SLC9A9: variants seen among roughly 807,000 people sequenced by gnomAD.
SLC9A9 encodes the protein sodium/hydrogen exchanger 9.
A neutral mutation model predicts 77.8 loss-of-function variants in SLC9A9; 62 were observed. That is an observed-to-expected ratio of 0.80 (90% CI 0.65 to 0.98). The LOEUF (loss-of-function observed/expected upper bound fraction) is 0.98. SLC9A9 is among the 50% of genes least tolerant of loss of function. The pLI, the probability that SLC9A9 is intolerant of heterozygous loss-of-function variation, is 0.00. For synonymous variants in SLC9A9, 320 were observed against 283.5 expected, an observed-to-expected ratio of 1.13 and a Z score of -1.29; for missense variants, 775 against 774.9, an observed-to-expected ratio of 1.00 and a Z score of 0.00.
chr3:143,847,489 A>T (rs141017456), intron 1 of SLC9A9: 1 of 152,414 alleles, frequency 6.6e-6, no homozygotes, highest in East Asian at 1.9e-4. Flanking sequence ...GGCCTCCAAT[A>T]CATAAATAGG....
At chr3:143,647,178 T>C (rs910486511) in intron 6 of SLC9A9, among the ~76,000 whole-genome samples, 1 of 152,190 alleles carries the variant, frequency 6.6e-6, no homozygotes, top group Non-Finnish European at 1.5e-5. Flanking sequence ...CTGTCTATTT[T>C]ACAAATGAGT....
At chr3:143,315,771 A>G (rs1380102846) in intron 14 of SLC9A9, among the ~76,000 whole-genome samples, 1 of 152,230 alleles carries the variant, frequency 6.6e-6, no homozygotes, top group African/African-American at 2.4e-5. Context: ...CAGAGTTAAA[A>G]TAAACCCAAT....
intron 6 of SLC9A9, among the ~76,000 whole-genome samples, chr3:143,599,460 AGTG>A (rs1452395502): frequency 2.0e-5 from 3 of 152,194 alleles, no homozygotes; most frequent in African/African-American, 7.2e-5. Context: ...CAGCAATCTT[AGTG>A]GTGGTGGTTG....
intron 12 of SLC9A9, among the ~76,000 whole-genome samples, chr3:143,391,719 T>C (rs913123854): frequency 2.6e-5 from 4 of 152,146 alleles, no homozygotes; most frequent in Non-Finnish European, 5.9e-5. Context: ...ATTAGACGAA[T>C]GGCTAACTAG....
intron 14 of SLC9A9, among the ~76,000 whole-genome samples, chr3:143,281,101 G>A (rs1025010510): frequency 6.6e-6 from 1 of 152,172 alleles, no homozygotes; most frequent in Non-Finnish European, 1.5e-5. Context: ...TAAAGGGATA[G>A]CATCACTTCT....
chr3:143,580,652 C>G (rs2037436521), intron 6 of SLC9A9, among the ~76,000 whole-genome samples: 1 of 152,088 alleles, frequency 6.6e-6, no homozygotes, highest in Non-Finnish European at 1.5e-5. Flanking sequence ...GAAAGTTCAC[C>G]TGTATGTCAC....
chr3:143,510,358 C>G (rs1244767636), intron 9 of SLC9A9, among the ~76,000 whole-genome samples: 1 of 151,996 alleles, frequency 6.6e-6, no homozygotes, highest in African/African-American at 2.4e-5. Context: ...AAAACATTGT[C>G]TTTATTAAAA....
intron 5 of SLC9A9, among the ~76,000 whole-genome samples, chr3:143,676,771 C>CA (rs1214416067): frequency 2.6e-5 from 4 of 151,798 alleles, no homozygotes; most frequent in Non-Finnish European, 5.9e-5. Context: ...CAAAACAAAA[C>CA]AAAAAAACCC....
At chr3:143,840,420 A>G (rs545442055) in intron 1 of SLC9A9, among the ~76,000 whole-genome samples, 2 of 152,344 alleles carry the variant, frequency 1.3e-5, no homozygotes, top group South Asian at 4.1e-4. Context: ...CCTATTTTGC[A>G]TGATTCATAT....
chr3:143,706,341 A>G (rs187605079), intron 4 of SLC9A9, among the ~76,000 whole-genome samples: 240 of 152,298 alleles, frequency 1.6e-3, no homozygotes, highest in African/African-American at 5.5e-3. Flanking sequence ...CTTAGGGCCC[A>G]GTATGGGCTA....
At chr3:143,545,683 G>A (rs1275084743) in intron 9 of SLC9A9, among the ~76,000 whole-genome samples, 3 of 152,228 alleles carry the variant, frequency 2.0e-5, no homozygotes, top group Non-Finnish European at 4.4e-5. Context: ...CTTAGGAGCT[G>A]AGAGTTTTTC....
intron 6 of SLC9A9, among the ~76,000 whole-genome samples, chr3:143,589,066 A>T (rs750732803): frequency 6.6e-6 from 1 of 152,218 alleles, no homozygotes; most frequent in Non-Finnish European, 1.5e-5. Flanking sequence ...TGCAAGCAAG[A>T]CCAAATATTA....
intron 12 of SLC9A9, among the ~76,000 whole-genome samples, chr3:143,401,733 G>T (rs991499337): frequency 6.6e-6 from 1 of 152,050 alleles, no homozygotes; most frequent in Non-Finnish European, 1.5e-5. Flanking sequence ...TCACATACAG[G>T]TTGTGGCATC....
intron 2 of SLC9A9, among the ~76,000 whole-genome samples, chr3:143,813,545 G>A (rs139941656): frequency 2.0e-5 from 3 of 152,054 alleles, no homozygotes; most frequent in East Asian, 3.9e-4. Flanking sequence ...TCTTCCTCCC[G>A]CTCCCAAACT....
chr3:143,602,130 T>G (rs776352273), intron 6 of SLC9A9, among the ~76,000 whole-genome samples: 13 of 152,228 alleles, frequency 8.5e-5, no homozygotes, highest in Non-Finnish European at 1.0e-4. Flanking sequence ...TATTATCATG[T>G]AAGAAATTAA....
intron 12 of SLC9A9, among the ~76,000 whole-genome samples, chr3:143,466,522 G>A (rs906857033): frequency 6.6e-6 from 1 of 152,194 alleles, no homozygotes; most frequent in African/African-American, 2.4e-5. Context: ...GTATGAAAGT[G>A]TCTAACTTGT....
intron 4 of SLC9A9, among the ~76,000 whole-genome samples, chr3:143,718,740 T>C (rs930484255): frequency 6.6e-6 from 1 of 152,226 alleles, no homozygotes; most frequent in Admixed American, 6.5e-5. Context: ...ATCTCGTGTA[T>C]TGAACATTCC....
At chr3:143,421,028 A>T (rs973067563) in intron 12 of SLC9A9, among the ~76,000 whole-genome samples, 4 of 152,298 alleles carry the variant, frequency 2.6e-5, no homozygotes, top group Admixed American at 2.6e-4. Context: ...ATGCAATCCC[A>T]TTTACAATGG....
intron 4 of SLC9A9, among the ~76,000 whole-genome samples, chr3:143,784,774 T>C (rs377412873): frequency 3.7e-4 from 57 of 152,328 alleles, no homozygotes; most frequent in African/African-American, 1.3e-3. Context: ...TAAATGCTTG[T>C]GTCACCCCAA....
Sources: gnomAD v4.1 joint callset for allele counts (sites outside exome capture counted in the v4.1 genomes callset) on GRCh38, gnomAD v4.1.1 for gene constraint, MANE v1.5 for transcripts, NCBI Gene and HGNC (gene_info 2026-07-23, HGNC 2026-07-21) for gene names.